Variants in ARPP21 observed in about 807,000 individuals in gnomAD.
The protein encoded by ARPP21 is cAMP regulated phosphoprotein 21.
Under a neutral mutation model 113.2 loss-of-function variants are expected in ARPP21, and 69 were observed. The observed-to-expected ratio is 0.61, with a 90% CI of 0.50 to 0.74. ARPP21 has a LOEUF of 0.74. Ranked by LOEUF, ARPP21 falls within the 30% of genes least tolerant of loss-of-function variation. The probability of loss-of-function intolerance (pLI) is 0.00; values close to 1 mark genes in which losing one functional copy is unlikely to be tolerated. For missense variants in ARPP21, 1,070 were observed against 1,037.4 expected (o/e 1.03, Z -0.43); for synonymous variants, 368 against 375.5 (o/e 0.98, Z 0.23).
intron 19 of ARPP21, among the ~76,000 whole-genome samples, chr3:35,779,993 T>C (rs2096484189): frequency 6.6e-6 from 1 of 152,208 alleles, no homozygotes; most frequent in Non-Finnish European, 1.5e-5. Context: ...GCAAAGGGGA[T>C]AAGAGAAAGT....
At chr3:35,708,938 A>G in intron 10 of ARPP21, 31 bp from the exon 11 acceptor site, 2 of 1,511,356 alleles carry the variant, frequency 1.3e-6, no homozygotes, top group Non-Finnish European at 1.8e-6. Flanking sequence ...CGCAACTTGG[A>G]TAACCCTCCT....
At chr3:35,741,388 C>T (rs2094647897) in intron 18 of ARPP21, among the ~76,000 whole-genome samples, 1 of 152,134 alleles carries the variant, frequency 6.6e-6, no homozygotes, top group Admixed American at 6.5e-5. Context: ...TAGTAACTTT[C>T]AATTTAGTAA....
chr3:35,748,266 G>T (rs1407001194), intron 19 of ARPP21, among the ~76,000 whole-genome samples: 1 of 131,508 alleles, frequency 7.6e-6, no homozygotes, highest in East Asian at 2.3e-4. Flanking sequence ...AGAAAGGAGA[G>T]AGAGAAAGAA....
rs553405962 is a variant in ARPP21, at chr3:35,793,846, A to T, written c.2432A>T (p.Asn811Ile). 2 of 1,614,008 alleles carry T rather than the reference A, an allele frequency of 1.2e-6. No homozygotes were observed. The highest frequency in any genetic ancestry group is 2.2e-5 in the South Asian group (2 of 91,082). ...CNVTPPTPQN[N>I]LRLIGPHCPS... Reference sequence around the variant, plus strand: ...GTCACACCGCCCACCCCTCAGAACAACCTTAGGCTGATTGGCCCACACTGC... The same window carrying T: ...GTCACACCGCCCACCCCTCAGAACATCCTTAGGCTGATTGGCCCACACTGC... Residue 811 changes from asparagine to isoleucine, a missense_variant, in exon 21 of 21, where the codon AAC becomes ATC. By Grantham distance (149) the Asn-to-Ile change is moderately radical (BLOSUM62 -3). Transcript: ENST00000684406.
chr3:35,748,067 G>GAAGGAAGGAAGGAAGGAAGAAAGA (rs1180382135), intron 19 of ARPP21, among the ~76,000 whole-genome samples: 1 of 86,958 alleles, frequency 1.1e-5, no homozygotes, highest in African/African-American at 4.5e-5. Context: ...AAGAAGGAAG[G>GAAGGAAGGAAGGAAGGAAGAAAGA]AAGAAAGAAA....
chr3:35,683,549 C>G (rs186410119), intron 4 of ARPP21, among the ~76,000 whole-genome samples, 177 bp from the exon 5 acceptor site: 1 of 151,750 alleles, frequency 6.6e-6, no homozygotes, highest in East Asian at 2.0e-4. Flanking sequence ...CCCATCAATA[C>G]AGAGGTATGA....
At chr3:35,722,584 G>GAGTTTCCAAGTGTC (rs1394361559) in intron 14 of ARPP21, among the ~76,000 whole-genome samples, 1 of 152,196 alleles carries the variant, frequency 6.6e-6, no homozygotes, top group Non-Finnish European at 1.5e-5. Context: ...GTGAGTGTCA[G>GAGTTTCCAAGTGTC]AGAGGTTTAG....
chr3:35,741,867 A>T (rs955003893), intron 18 of ARPP21, among the ~76,000 whole-genome samples: 9 of 152,164 alleles, frequency 5.9e-5, no homozygotes, highest in Non-Finnish European at 1.3e-4. Context: ...TTAGACCAAG[A>T]TCTCATTTGC....
chr3:35,690,288 A>G (rs2081866758), intron 8 of ARPP21, 148 bp downstream of exon 8: 2 of 591,798 alleles, frequency 3.4e-6, no homozygotes, highest in Admixed American at 2.9e-5. Context: ...TATTGGAGTT[A>G]GGACTATACG....
At chr3:35,683,917 T>A (rs2079746478) in intron 5 of ARPP21, 102 bp downstream of exon 5, 7 of 998,810 alleles carry the variant, frequency 7.0e-6, no homozygotes, top group African/African-American at 1.6e-5. Context: ...GAGAAAAATA[T>A]AATTGAAGAA....
Position 35,792,365 on chromosome 3 carries a change from A to T in ARPP21, c.2138-17A>T, listed in dbSNP as rs749634409. ...TCTTTCTGCACAACCAGTTCAAAAG[A>T]TCTCTTTTCTTCGCAGGTTACCAGC... is the stretch of plus-strand genomic sequence containing the variant. On this transcript the variant is annotated splice_polypyrimidine_tract_variant and intron_variant, in intron 19 of 20. Coordinates refer to ENST00000684406, the MANE Select transcript of ARPP21 (RefSeq NM_001385562.1). The T allele has an allele frequency of 1.2e-6, 2 of 1,613,350 alleles. No homozygotes were observed. Among genetic ancestry groups the T allele is most frequent in the East Asian group, 2.2e-5 (1 of 44,876 alleles).
chr3:35,735,678 AC>A (rs1230154712), intron 15 of ARPP21, among the ~76,000 whole-genome samples: 1 of 152,098 alleles, frequency 6.6e-6, no homozygotes, highest in Non-Finnish European at 1.5e-5. Flanking sequence ...TGAAATATCA[AC>A]CCCATCCTGG....
At chr3:35,770,153 A>T (rs2096145481) in intron 19 of ARPP21, among the ~76,000 whole-genome samples, 1 of 152,206 alleles carries the variant, frequency 6.6e-6, no homozygotes, top group Non-Finnish European at 1.5e-5. Flanking sequence ...ATGAAATCCA[A>T]ATCTATTTTA....
intron 19 of ARPP21, among the ~76,000 whole-genome samples, chr3:35,759,680 G>C (rs1185818502): frequency 4.1e-5 from 6 of 144,754 alleles, no homozygotes; most frequent in Non-Finnish European, 7.9e-5. Context: ...CTCTCTCTGT[G>C]TGTGTGTGTG....
intron 13 of ARPP21, among the ~76,000 whole-genome samples, chr3:35,717,691 A>G (rs1021451723): frequency 2.6e-5 from 4 of 152,168 alleles, no homozygotes; most frequent in African/African-American, 9.6e-5. Flanking sequence ...GCAATTGTAC[A>G]TACATTCTCA....
chr3:35,771,728 G>T (rs555235940), intron 19 of ARPP21, among the ~76,000 whole-genome samples: 17 of 152,274 alleles, frequency 1.1e-4, no homozygotes, highest in African/African-American at 3.8e-4. Context: ...CATAGAATGT[G>T]CAGGGTAAGC....
intron 9 of ARPP21, among the ~76,000 whole-genome samples, chr3:35,698,523 T>A (rs2149793170): frequency 6.6e-6 from 1 of 151,772 alleles, no homozygotes; most frequent in East Asian, 1.9e-4. Context: ...ACTCATGACA[T>A]CCTAGGTAGA....
intron 1 of ARPP21, among the ~76,000 whole-genome samples, chr3:35,672,617 T>C (rs887477332): frequency 2.6e-5 from 4 of 152,034 alleles, no homozygotes; most frequent in African/African-American, 9.7e-5. Context: ...ATTCTTAGTA[T>C]TGGGGTTAAT....
chr3:35,721,932 T>C (rs773685167), intron 14 of ARPP21, 98 bp downstream of exon 14: 1 of 723,672 alleles, frequency 1.4e-6, no homozygotes, highest in Non-Finnish European at 2.3e-6. Flanking sequence ...TGACTGATAA[T>C]GATGATATTA....
Sources: gnomAD v4.1 joint callset for allele counts (sites outside exome capture counted in the v4.1 genomes callset) on GRCh38, gnomAD v4.1.1 for gene constraint, MANE v1.5 for transcripts, NCBI Gene and HGNC (gene_info 2026-07-23, HGNC 2026-07-21) for gene names.